Variants in RIC1 observed in about 807,000 individuals in gnomAD.
The protein encoded by RIC1 is guanine nucleotide exchange factor subunit RIC1.
In RIC1, 88 loss-of-function variants were observed where a neutral mutation model predicts 169.0. The observed-to-expected ratio is 0.52, with a 90% CI of 0.44 to 0.62. The LOEUF is 0.62. Among genes scored for constraint, RIC1 ranks in the 20% least tolerant of loss-of-function variants. The probability of loss-of-function intolerance (pLI) is 0.00; values close to 1 mark genes in which losing one functional copy is unlikely to be tolerated. For missense variants in RIC1, 1,877 were observed against 1,725.5 expected (o/e 1.09, Z -1.56); for synonymous variants, 790 against 601.5 (o/e 1.31, Z -4.59).
intron 1 of RIC1, among the ~76,000 whole-genome samples, chr9:5,638,652 C>T (rs1462093795): frequency 4.6e-5 from 7 of 152,084 alleles, no homozygotes; most frequent in Non-Finnish European, 7.3e-5. Context: ...TTGTGATGAT[C>T]GTTTGAATTT....
chr9:5,632,631 A>G (rs2130225100), intron 1 of RIC1, among the ~76,000 whole-genome samples: 1 of 152,262 alleles, frequency 6.6e-6, no homozygotes, highest in Middle Eastern at 3.4e-3. Context: ...TTGGGGTGGT[A>G]GAGGTAGAAC....
At chr9:5,733,890 CCTT>C (rs891627239) in intron 7 of RIC1, among the ~76,000 whole-genome samples, 9 of 151,348 alleles carry the variant, frequency 5.9e-5, no homozygotes, top group African/African-American at 2.2e-4. Flanking sequence ...AGAATCCCTC[CCTT>C]CTTTGTCTTC....
chr9:5,662,264 A>T (rs770470599), intron 2 of RIC1, among the ~76,000 whole-genome samples: 1 of 152,166 alleles, frequency 6.6e-6, no homozygotes, highest in Admixed American at 6.5e-5. Flanking sequence ...ATTGATGTTC[A>T]TCAAGCATAT....
chr9:5,713,415 C>A (rs1424063782), intron 3 of RIC1: 1 of 152,388 alleles, frequency 6.6e-6, no homozygotes, highest in African/African-American at 2.4e-5. Context: ...CTCCTAATTG[C>A]ACCCTTGAAT....
chr9:5,705,774 C>G (rs935664828), intron 3 of RIC1, among the ~76,000 whole-genome samples: 5 of 152,128 alleles, frequency 3.3e-5, no homozygotes, highest in African/African-American at 4.8e-5. Flanking sequence ...GTTAGCTGTG[C>G]GCTTTATCAT....
rs760589115 is a variant in RIC1, at chr9:5,762,574, G to A, written c.2026G>A (p.Ala676Thr). 6.2e-7 allele frequency: 1 copy of A among 1,613,986 alleles called. No individual in the cohort carries two copies. The highest frequency in any genetic ancestry group is 8.5e-7 in the Non-Finnish European group (1 of 1,179,924). The change falls in exon 18 of 26, where the codon GCA (alanine) becomes ACA (threonine). Residue 676 changes from alanine to threonine, a missense_variant. By Grantham distance (58) the Ala-to-Thr change is moderately conservative. Coordinates refer to ENST00000414202, the MANE Select transcript of RIC1 (RefSeq NM_020829.4). The part of the protein sequence containing the change: ...RGAESIMLNL[A>T]GQLIMMQRDR... ...TGCAGAGAGCATTATGTTAAACCTG[G>A]CAGGACAGCTCATCATGATGCAGAG...
chr9:5,655,108 C>A (rs931457808), intron 1 of RIC1, among the ~76,000 whole-genome samples: 1 of 152,144 alleles, frequency 6.6e-6, no homozygotes, highest in African/African-American at 2.4e-5. Context: ...GCTGGGACTT[C>A]CACTATTCTG....
At chr9:5,731,705 T>G (rs1239673703) in intron 6 of RIC1, among the ~76,000 whole-genome samples, 1 of 152,188 alleles carries the variant, frequency 6.6e-6, no homozygotes, top group African/African-American at 2.4e-5. Context: ...ATAATGTCAT[T>G]TATTTATTGA....
At chr9:5,725,819 C>G (rs1260782503) in intron 6 of RIC1, among the ~76,000 whole-genome samples, 1 of 152,036 alleles carries the variant, frequency 6.6e-6, no homozygotes, top group Admixed American at 6.6e-5. Context: ...GTTATGTACC[C>G]AGTAGTCATT....
intron 3 of RIC1, among the ~76,000 whole-genome samples, chr9:5,704,677 A>T (rs1271591592): frequency 6.6e-6 from 1 of 152,014 alleles, no homozygotes; most frequent in Non-Finnish European, 1.5e-5. Flanking sequence ...TTTAATTTTG[A>T]TGAAGTCCAA....
intron 7 of RIC1, among the ~76,000 whole-genome samples, chr9:5,737,585 C>A (rs1824795365): frequency 8.2e-6 from 1 of 122,302 alleles, no homozygotes; most frequent in African/African-American, 3.3e-5. Context: ...ATTTACTATG[C>A]TTTTACACAC....
intron 2 of RIC1, among the ~76,000 whole-genome samples, chr9:5,659,349 G>A (rs1819304910): frequency 6.6e-6 from 1 of 152,022 alleles, no homozygotes; most frequent in African/African-American, 2.4e-5. Context: ...CAATTTTATT[G>A]TTGTATTTCA....
At chr9:5,757,235 ATACTAT>A (rs2131060772) in intron 16 of RIC1, 72 bp from the exon 17 acceptor site, 3 of 1,479,086 alleles carry the variant, frequency 2.0e-6, no homozygotes, top group Non-Finnish European at 2.8e-6. Flanking sequence ...ATGAAATCTA[ATACTAT>A]TACTAGTGGA....
chr9:5,747,547 T>C, intron 12 of RIC1, 42 bp downstream of exon 12: 4 of 1,483,926 alleles, frequency 2.7e-6, no homozygotes, highest in Non-Finnish European at 3.8e-6. Context: ...TATTCTTTGA[T>C]AGGATATCAC....
At chr9:5,667,490 CCCT>C (rs1819843627) in intron 2 of RIC1, among the ~76,000 whole-genome samples, 1 of 149,910 alleles carries the variant, frequency 6.7e-6, no homozygotes, top group Non-Finnish European at 1.5e-5. Flanking sequence ...TTTGAAATGT[CCCT>C]CCACCGCCAC....
At chr9:5,688,101 A>G (rs1821361971) in intron 2 of RIC1, among the ~76,000 whole-genome samples, 1 of 152,192 alleles carries the variant, frequency 6.6e-6, no homozygotes, top group Admixed American at 6.5e-5. Context: ...AATATAGTTC[A>G]CATTTGGAAC....
At chr9:5,773,885 A>C (rs1827410104) in intron 25 of RIC1, 73 bp from the exon 26 acceptor site, 4 of 1,351,542 alleles carry the variant, frequency 3.0e-6, no homozygotes, top group Middle Eastern at 1.9e-4. Context: ...TGTTCAGTAG[A>C]AGTTCACCCG....
intron 3 of RIC1, among the ~76,000 whole-genome samples, chr9:5,709,329 C>G (rs960397677): frequency 6.6e-6 from 1 of 152,176 alleles, no homozygotes; most frequent in African/African-American, 2.4e-5. Flanking sequence ...TCCATTATTT[C>G]TACGTGCAGA....
At chr9:5,750,764 T>C (rs377259712) in intron 12 of RIC1, among the ~76,000 whole-genome samples, 7 of 74,954 alleles carry the variant, frequency 9.3e-5, no homozygotes, top group African/African-American at 2.3e-4. Flanking sequence ...TCATGACCTG[T>C]TTTTTTTGTC....
Sources: gnomAD v4.1 joint callset for allele counts (sites outside exome capture counted in the v4.1 genomes callset) on GRCh38, gnomAD v4.1.1 for gene constraint, MANE v1.5 for transcripts, NCBI Gene and HGNC (gene_info 2026-07-23, HGNC 2026-07-21) for gene names.